The following NELL1 variants were observed in gnomAD, a reference collection of about 807,000 sequenced individuals.
NELL1 encodes the protein protein kinase C-binding protein NELL1.
NELL1 carries 76 observed loss-of-function variants against 107.4 expected under a neutral mutation model. That is an observed-to-expected ratio of 0.71 (90% CI 0.59 to 0.86). The LOEUF is 0.86. Among genes scored for constraint, NELL1 ranks in the 40% least tolerant of loss-of-function variants. The pLI, the probability that NELL1 is intolerant of heterozygous loss-of-function variation, is 0.00. For missense variants in NELL1, 1,024 were observed against 1,005.5 expected (o/e 1.02, Z -0.25); for synonymous variants, 353 against 341.2 (o/e 1.03, Z -0.38).
intron 13 of NELL1, among the ~76,000 whole-genome samples, chr11:21,132,183 T>TTG (rs111574120): frequency 0.012 from 1,736 of 149,748 alleles, 26 homozygotes; most frequent in African/African-American, 0.037. Context: ...AGCCTGTATT[T>TTG]TGTGTGTGTG....
Position 20,889,484 on chromosome 11 carries a change from C to T in NELL1, c.603+3944C>T, listed in dbSNP as rs1317289057. 6.6e-5 allele frequency among the ~76,000 whole-genome samples: 10 copies of T among 152,068 alleles called. 1 individual carries two copies. Among genetic ancestry groups the T allele is most frequent in the African/African-American group, 2.2e-4 (9 of 41,402 alleles). On this transcript the variant is annotated intron_variant, in intron 5 of 19. Coordinates refer to ENST00000357134, the MANE Select transcript of NELL1 (RefSeq NM_006157.5). The stretch of plus-strand genomic sequence containing the variant: ...CAATAGATCTTCATTTAAAAAACTT[C>T]CTGGAAGGAAGACATACAGTGCAAG...
At chr11:21,561,669 T>A (rs976030139) in intron 17 of NELL1, among the ~76,000 whole-genome samples, 1 of 152,064 alleles carries the variant, frequency 6.6e-6, no homozygotes, top group African/African-American at 2.4e-5. Context: ...TACGATGATA[T>A]TTATTGGTAT....
At chr11:21,052,850 C>G (rs1039750475) in intron 12 of NELL1, among the ~76,000 whole-genome samples, 1 of 151,844 alleles carries the variant, frequency 6.6e-6, no homozygotes, top group African/African-American at 2.4e-5. Flanking sequence ...GTGGGTGAGT[C>G]GAGGGAGTGG....
intron 15 of NELL1, among the ~76,000 whole-genome samples, chr11:21,450,420 C>A (rs1053671731): frequency 1.3e-5 from 2 of 152,114 alleles, no homozygotes; most frequent in Non-Finnish European, 2.9e-5. Flanking sequence ...AATGTACACA[C>A]AGTTTGAAGA....
rs1018808877 is a variant in NELL1 at position 20,701,255 on chromosome 11, C to G, written c.184+23195C>G. 7.1e-4 allele frequency among the ~76,000 whole-genome samples: 107 copies of G among 151,512 alleles called. 1 individual carries two copies. The highest frequency in any genetic ancestry group is 2.3e-3 in the African/African-American group (93 of 40,902). ...GGTTTTGATTTGCATTTCTCTGATG[C>G]TCAGTCATGATGAGCATTTTTTCAT... On this transcript the variant is annotated intron_variant, in intron 2 of 19. Coordinates refer to ENST00000357134, the MANE Select transcript of NELL1 (RefSeq NM_006157.5).
intron 3 of NELL1, among the ~76,000 whole-genome samples, chr11:20,815,328 C>T (rs1332081326): frequency 3.3e-5 from 5 of 152,216 alleles, no homozygotes; most frequent in African/African-American, 1.2e-4. Context: ...TCAGGTGATC[C>T]ACCCGCCTCA....
chr11:20,915,628 T>TA (rs1194853865), intron 5 of NELL1, among the ~76,000 whole-genome samples: 1 of 146,846 alleles, frequency 6.8e-6, no homozygotes, highest in Non-Finnish European at 1.5e-5. Context: ...TTTGTCTTTT[T>TA]ATCCCTTATC....
chr11:21,367,528 A>C (rs991729092), intron 14 of NELL1, among the ~76,000 whole-genome samples: 3 of 152,116 alleles, frequency 2.0e-5, no homozygotes, highest in Non-Finnish European at 4.4e-5. Context: ...TTGCCGTCTT[A>C]CTGCAGCATC....
intron 2 of NELL1, among the ~76,000 whole-genome samples, chr11:20,760,176 T>A (rs1856388344): frequency 6.6e-6 from 1 of 152,226 alleles, no homozygotes; most frequent in Non-Finnish European, 1.5e-5. Flanking sequence ...TCAACTTAGC[T>A]GGCCACCATG....
intron 13 of NELL1, among the ~76,000 whole-genome samples, chr11:21,169,442 G>A (rs2123801): frequency 0.64 from 96,151 of 151,288 alleles, 30,923 homozygotes; most frequent in Admixed American, 0.74. Flanking sequence ...CTATTTTTTT[G>A]TTCACATGTA....
At chr11:21,108,440 G>T (rs1855022522) in intron 12 of NELL1, among the ~76,000 whole-genome samples, 1 of 152,032 alleles carries the variant, frequency 6.6e-6, no homozygotes. Context: ...CCTGGGGAGG[G>T]ATGTAAATCA....
intron 14 of NELL1, among the ~76,000 whole-genome samples, chr11:21,266,872 A>G (rs115846516): frequency 0.016 from 2,452 of 152,214 alleles, 82 homozygotes; most frequent in African/African-American, 0.056. Context: ...CATTATAAGA[A>G]TGTCACACTT....
At chr11:21,416,368 T>A (rs1252864472) in intron 15 of NELL1, among the ~76,000 whole-genome samples, 1 of 152,088 alleles carries the variant, frequency 6.6e-6, no homozygotes, top group African/African-American at 2.4e-5. Context: ...GAGACTGGCT[T>A]CATAAATGGT....
In NELL1 at chr11:21,460,384, C is replaced by T. The variant is rs79774171; in HGVS notation, c.1646-73990C>T. On this transcript the variant is annotated intron_variant, in intron 15 of 19. Transcript: ENST00000357134. ...GAACCCTAGCAATGTTAAGAGCCTG[C>T]AGCCTTTTCTCAGCACTCAAATTGC... 9.0e-3 allele frequency among the ~76,000 whole-genome samples: 1,371 copies of T among 152,196 alleles called. 28 individuals carry two copies. Among genetic ancestry groups the T allele is most frequent in the African/African-American group, 0.032 (1,325 of 41,552 alleles).
chr11:21,070,548 A>G (rs1366283521), intron 12 of NELL1, among the ~76,000 whole-genome samples: 1 of 152,108 alleles, frequency 6.6e-6, no homozygotes, highest in Non-Finnish European at 1.5e-5. Context: ...AAATTGAACA[A>G]TATTTTTCCT....
intron 13 of NELL1, among the ~76,000 whole-genome samples, chr11:21,129,907 C>G (rs1855576226): frequency 6.6e-6 from 1 of 151,886 alleles, no homozygotes; most frequent in Non-Finnish European, 1.5e-5. Context: ...AAGAGAGTAA[C>G]CATTATGTTA....
intron 16 of NELL1, among the ~76,000 whole-genome samples, chr11:21,539,893 C>T (rs74509378): frequency 0.029 from 4,369 of 151,782 alleles, 64 homozygotes; most frequent in Non-Finnish European, 0.041. Context: ...GGGAGCTGCC[C>T]TCTTCTACCC....
chr11:21,292,595 G>T (rs1849295500), intron 14 of NELL1, among the ~76,000 whole-genome samples: 1 of 152,020 alleles, frequency 6.6e-6, no homozygotes, highest in Non-Finnish European at 1.5e-5. Flanking sequence ...ATTTTATATG[G>T]AACCAAAAAG....
At chr11:21,254,832 G>A (rs937328897) in intron 14 of NELL1, among the ~76,000 whole-genome samples, 1 of 152,072 alleles carries the variant, frequency 6.6e-6, no homozygotes, top group Admixed American at 6.6e-5. Context: ...TGCCGAGATG[G>A]CCACTGAGGG....
Sources: allele counts gnomAD v4.1 joint callset (sites outside exome capture counted in the v4.1 genomes callset), GRCh38; gene constraint gnomAD v4.1.1; transcripts MANE v1.5; gene names NCBI Gene and HGNC (gene_info 2026-07-23, HGNC 2026-07-21).